Variants in NCKAP5 observed in about 807,000 individuals in gnomAD.
NCKAP5 encodes the protein NCK associated protein 5.
NCKAP5 carries 92 observed loss-of-function variants against 167.0 expected under a neutral mutation model. That is an observed-to-expected ratio of 0.55 (90% CI 0.47 to 0.66). The LOEUF (loss-of-function observed/expected upper bound fraction) is 0.66. Ranked by LOEUF, NCKAP5 falls within the 30% of genes least tolerant of loss-of-function variation. NCKAP5 has a pLI of 0.00. For missense variants in NCKAP5, 2,378 were observed against 2,315.0 expected, an observed-to-expected ratio of 1.03 and a Z score of -0.56; for synonymous variants, 891 against 877.4, an observed-to-expected ratio of 1.02 and a Z score of -0.27.
At chr2:133,405,051 A>T (rs935896618) in intron 3 of NCKAP5, among the ~76,000 whole-genome samples, 3 of 152,168 alleles carry the variant, frequency 2.0e-5, no homozygotes, top group African/African-American at 7.2e-5. Context: ...CCCCTCCTAT[A>T]GGGTTACATC....
At chr2:132,976,610 C>CAATGT (rs1025046158) in intron 7 of NCKAP5, among the ~76,000 whole-genome samples, 3 of 143,514 alleles carry the variant, frequency 2.1e-5, no homozygotes, top group African/African-American at 7.7e-5. Flanking sequence ...GTATACTTAA[C>CAATGT]AATGTATACT....
intron 6 of NCKAP5, among the ~76,000 whole-genome samples, chr2:133,048,531 T>C (rs2079490428): frequency 6.6e-6 from 1 of 152,222 alleles, no homozygotes; most frequent in African/African-American, 2.4e-5. Flanking sequence ...TACTTGTTTG[T>C]ATCATGTGAA....
chr2:133,562,041 G>C (rs924851015), intron 1 of NCKAP5, among the ~76,000 whole-genome samples: 4 of 151,922 alleles, frequency 2.6e-5, no homozygotes, highest in African/African-American at 9.7e-5. Flanking sequence ...GGATGCTCTG[G>C]GAGGTACAAA....
chr2:133,373,501 C>T (rs1685939908), intron 3 of NCKAP5, among the ~76,000 whole-genome samples: 1 of 152,190 alleles, frequency 6.6e-6, no homozygotes, highest in African/African-American at 2.4e-5. Context: ...ACCTGATTCA[C>T]AGATTCAATG....
intron 5 of NCKAP5, among the ~76,000 whole-genome samples, chr2:133,144,506 T>A (rs1314305445): frequency 1.3e-5 from 2 of 152,090 alleles, no homozygotes; most frequent in Admixed American, 1.3e-4. Context: ...TGCAGAACTG[T>A]CTTCTTACTG....
chr2:132,801,609 T>C (rs1685041885), intron 11 of NCKAP5, among the ~76,000 whole-genome samples: 1 of 152,154 alleles, frequency 6.6e-6, no homozygotes, highest in Admixed American at 6.5e-5. Flanking sequence ...GTATCACAAT[T>C]TATAACAGAA....
chr2:133,599,465 G>A, the NCKAP5 span, among the ~76,000 whole-genome samples: 99 of 152,308 alleles, frequency 6.5e-4, 1 homozygote, highest in East Asian at 0.016. Flanking sequence ...ATGTTGAGGT[G>A]AGGAATACAG....
At chr2:133,409,007 A>T (rs1688615633) in intron 3 of NCKAP5, among the ~76,000 whole-genome samples, 1 of 152,170 alleles carries the variant, frequency 6.6e-6, no homozygotes, top group Admixed American at 6.5e-5. Context: ...AAGCCACTTA[A>T]TTTTTTCCTG....
At chr2:133,422,747 A>G (rs1224297371) in intron 3 of NCKAP5, among the ~76,000 whole-genome samples, 12 of 152,190 alleles carry the variant, frequency 7.9e-5, no homozygotes, top group Non-Finnish European at 4.4e-5. Flanking sequence ...ACCACTTGGC[A>G]TCACTAAAAC....
At chr2:133,625,217 T>C in the NCKAP5 span, among the ~76,000 whole-genome samples, 2 of 152,224 alleles carry the variant, frequency 1.3e-5, no homozygotes, top group Admixed American at 1.3e-4. Flanking sequence ...TGTAATACCA[T>C]TATGGTTAAG....
At chr2:133,455,165 A>C (rs1442905592) in intron 3 of NCKAP5, among the ~76,000 whole-genome samples, 1 of 152,144 alleles carries the variant, frequency 6.6e-6, no homozygotes, top group Non-Finnish European at 1.5e-5. Context: ...AGATAGTCAA[A>C]GATGAAAGGC....
intron 19 of NCKAP5, among the ~76,000 whole-genome samples, chr2:132,697,362 A>G (rs1240452420): frequency 6.6e-6 from 1 of 152,210 alleles, no homozygotes; most frequent in East Asian, 1.9e-4. Flanking sequence ...TTTAAATTTT[A>G]TAGTTGTTAA....
intron 3 of NCKAP5, among the ~76,000 whole-genome samples, chr2:133,427,624 G>T (rs1280835511): frequency 6.6e-6 from 1 of 152,070 alleles, no homozygotes; most frequent in East Asian, 1.9e-4. Flanking sequence ...AAATTAAATA[G>T]AAACATTTTA....
At chr2:133,207,917 C>T (rs7587452) in intron 5 of NCKAP5, among the ~76,000 whole-genome samples, 76,897 of 151,980 alleles carry the variant, frequency 0.51, 19,761 homozygotes, top group African/African-American at 0.53. Context: ...CATAAGTATG[C>T]GCTACACATA....
chr2:133,549,636 GA>G (rs1575142669), intron 2 of NCKAP5, among the ~76,000 whole-genome samples: 2 of 142,522 alleles, frequency 1.4e-5, no homozygotes, highest in East Asian at 4.1e-4. Context: ...GCCCACAAGA[GA>G]AAGCAGGAAA....
chr2:132,913,355 C>G (rs762855066), intron 8 of NCKAP5, among the ~76,000 whole-genome samples: 1 of 151,994 alleles, frequency 6.6e-6, no homozygotes, highest in Non-Finnish European at 1.5e-5. Flanking sequence ...CCAGATGGAA[C>G]CTGGGTCACT....
At chr2:133,166,195 T>C (rs889857279) in intron 5 of NCKAP5, among the ~76,000 whole-genome samples, 10 of 152,156 alleles carry the variant, frequency 6.6e-5, no homozygotes, top group Non-Finnish European at 1.3e-4. Flanking sequence ...GAGAGAAACA[T>C]TCCACAGAGA....
the NCKAP5 span, among the ~76,000 whole-genome samples, chr2:133,657,057 A>G: frequency 6.6e-6 from 1 of 152,220 alleles, no homozygotes; most frequent in African/African-American, 2.4e-5. Flanking sequence ...TTCACTTAGA[A>G]TACTAGTCTC....
At chr2:133,672,717 T>G in the NCKAP5 span, among the ~76,000 whole-genome samples, 1 of 152,180 alleles carries the variant, frequency 6.6e-6, no homozygotes, top group South Asian at 2.1e-4. Context: ...TGGCTCTGTT[T>G]CCATAAAACT....
Sources: gnomAD v4.1 joint callset for allele counts (sites outside exome capture counted in the v4.1 genomes callset) on GRCh38, gnomAD v4.1.1 for gene constraint, MANE v1.5 for transcripts, NCBI Gene and HGNC (gene_info 2026-07-23, HGNC 2026-07-21) for gene names.